Variants in CC2D2B observed in about 807,000 individuals in gnomAD.
CC2D2B encodes protein CC2D2B.
In CC2D2B, 128 loss-of-function variants were observed where a neutral mutation model predicts 161.2. The observed-to-expected ratio is 0.79, with a 90% CI of 0.69 to 0.92. CC2D2B has a LOEUF of 0.92. Ranked by LOEUF, CC2D2B falls within the 40% of genes least tolerant of loss-of-function variation. The probability of loss-of-function intolerance (pLI) is 0.00; values close to 1 mark genes in which losing one functional copy is unlikely to be tolerated. For missense variants in CC2D2B, 1,173 were observed against 1,375.1 expected (o/e 0.85, Z 2.32); for synonymous variants, 391 against 449.8 (o/e 0.87, Z 1.65).
intron 33 of CC2D2B, among the ~76,000 whole-genome samples, chr10:96,025,971 C>A (rs1186893169): frequency 6.6e-6 from 1 of 152,162 alleles, no homozygotes; most frequent in Non-Finnish European, 1.5e-5. Context: ...GGAAGAAATG[C>A]AATAGGGAAA....
intron 9 of CC2D2B, among the ~76,000 whole-genome samples, chr10:95,945,105 G>A (rs1229187589): frequency 3.3e-5 from 5 of 152,220 alleles, no homozygotes. Context: ...CTAGACATGA[G>A]ATGTGGTGTC....
chr10:96,029,817 GT>G (rs5787169), intron 34 of CC2D2B, among the ~76,000 whole-genome samples: 91,709 of 144,694 alleles, frequency 0.63, 28,746 homozygotes, highest in East Asian at 0.81. Flanking sequence ...TTGTTGTTTT[GT>G]TTTTTTTTTT....
intron 17 of CC2D2B, among the ~76,000 whole-genome samples, chr10:95,977,543 C>G (rs1422658916): frequency 6.6e-6 from 1 of 152,128 alleles, no homozygotes; most frequent in African/African-American, 2.4e-5. Flanking sequence ...TTATGTTTAC[C>G]TTATTTCTTA....
Position 96,032,551 on chromosome 10 carries a change from A to G in CC2D2B, c.*543A>G, listed in dbSNP as rs1242160125. The G allele has an allele frequency of 3.3e-5, 10 of 302,944 alleles. No individual in the cohort carries two copies. The highest frequency in any genetic ancestry group is 1.9e-4 in the South Asian group (6 of 31,970). 18.8% of individuals were successfully genotyped at this position (302,944 alleles called of 1,614,324 possible). A position where few individuals can be genotyped will look rare whatever the true frequency, so the allele number is the denominator to read the frequency against. ...TTGTCACTACTAAACTAAGGCTGGT[A>G]CGTTTGATGCTGGGTCTGATACAAT... On this transcript the variant is annotated 3_prime_UTR_variant, in exon 35 of 35. Coordinates refer to ENST00000646931, the MANE Select transcript of CC2D2B (RefSeq NM_001349008.3).
chr10:96,004,967 T>C (rs1186768846), intron 25 of CC2D2B, among the ~76,000 whole-genome samples: 1 of 152,220 alleles, frequency 6.6e-6, no homozygotes, highest in Non-Finnish European at 1.5e-5. Flanking sequence ...ACGAGCCTTC[T>C]GTAAAAACCA....
chr10:95,973,860 T>G (rs1327664606), intron 16 of CC2D2B, 149 bp from the exon 17 acceptor site: 1 of 278,178 alleles, frequency 3.6e-6, no homozygotes, highest in Non-Finnish European at 5.7e-6. Context: ...AAACTCTGTC[T>G]CAAAAAAAAA....
intron 26 of CC2D2B, among the ~76,000 whole-genome samples, chr10:96,011,470 A>T (rs1159177759): frequency 6.6e-6 from 1 of 152,066 alleles, no homozygotes; most frequent in Non-Finnish European, 1.5e-5. Flanking sequence ...GGCAGTGTTT[A>T]CTCCATTGAA....
intron 9 of CC2D2B, among the ~76,000 whole-genome samples, chr10:95,943,360 G>A (rs570367208): frequency 6.6e-6 from 1 of 152,158 alleles, no homozygotes; most frequent in South Asian, 2.1e-4. Flanking sequence ...TGTCTTCACT[G>A]ACTTGTGTTT....
intron 11 of CC2D2B, among the ~76,000 whole-genome samples, chr10:95,957,726 AATTTTTGT>A (rs912079689): frequency 6.6e-6 from 1 of 151,402 alleles, no homozygotes; most frequent in Admixed American, 6.6e-5. Context: ...ACGCCTGGCT[AATTTTTGT>A]ATTTTTAGTA....
chr10:95,985,409 A>G (rs2077678717), intron 19 of CC2D2B, among the ~76,000 whole-genome samples: 1 of 152,218 alleles, frequency 6.6e-6, no homozygotes, highest in African/African-American at 2.4e-5. Flanking sequence ...CCAAACTAAT[A>G]CTTTTATAAT....
At chr10:96,022,494 G>C (rs961489893) in intron 32 of CC2D2B, 11 of 152,212 alleles carry the variant, frequency 7.2e-5, no homozygotes, top group African/African-American at 2.7e-4. Context: ...AAAGGGAAAA[G>C]TGCTTCTCTC....
chr10:95,918,164 G>A (rs999746136), intron 2 of CC2D2B, among the ~76,000 whole-genome samples: 7 of 152,114 alleles, frequency 4.6e-5, no homozygotes, highest in Non-Finnish European at 1.0e-4. Context: ...CACAATTATG[G>A]TGTTATAATA....
rs368168752 is a variant in CC2D2B at position 95,947,078 on chromosome 10, C to CAAAAA, written c.802-2817_802-2813dup. 5.9e-4 allele frequency among the ~76,000 whole-genome samples: 31 copies of CAAAAA among 52,106 alleles called. 2 individuals carry two copies. The highest frequency in any genetic ancestry group is 1.5e-3 in the African/African-American group (22 of 14,326). The allele number at this position is 52,106 out of a possible 152,430, so 34.2% of individuals were successfully genotyped here. A position where few individuals can be genotyped will look rare whatever the true frequency, so the allele number is the denominator to read the frequency against. ...GTGCATAAATTCCAAATAGTGGACT[C>CAAAAA]AAAAATATATATATATATATATATA... On this transcript the variant is annotated intron_variant, in intron 9 of 34. Coordinates refer to ENST00000646931, the MANE Select transcript of CC2D2B (RefSeq NM_001349008.3).
At chr10:95,942,820 T>G (rs1160054137) in intron 9 of CC2D2B, among the ~76,000 whole-genome samples, 1 of 152,168 alleles carries the variant, frequency 6.6e-6, no homozygotes, top group East Asian at 1.9e-4. Context: ...TATAGAAACT[T>G]TGATGGATTT....
chr10:95,937,893 G>A (rs561152050), intron 6 of CC2D2B, 98 bp from the exon 7 acceptor site: 21 of 704,256 alleles, frequency 3.0e-5, no homozygotes, highest in South Asian at 9.7e-5. Flanking sequence ...AGGATCAGAC[G>A]CACAGTTCAC....
In CC2D2B at chr10:95,999,712, C is replaced by A. The variant is rs1452795068; in HGVS notation, c.2849+3460C>A. 6 of 198,792 alleles carry A rather than the reference C, an allele frequency of 3.0e-5. No homozygotes were observed. The East Asian group carries it at 6.1e-4, about 20-fold the overall frequency. The allele number at this position is 198,792 out of a possible 1,614,324, so 12.3% of individuals were successfully genotyped here. ...AGAGAGAGGACACCACACTTCTTCT[C>A]AATGAAGAGAAACATTTTTACAGTC... is the stretch of plus-strand genomic sequence containing the variant. On this transcript the variant is annotated intron_variant, in intron 24 of 34. Transcript: ENST00000646931.
chr10:95,985,628 G>A (rs1157086341), intron 19 of CC2D2B, among the ~76,000 whole-genome samples: 1 of 152,144 alleles, frequency 6.6e-6, no homozygotes, highest in African/African-American at 2.4e-5. Context: ...TAAACAATAT[G>A]AAATCTGGGC....
rs574289382 is a variant in CC2D2B, at chr10:95,914,672, C to A, written c.36+3313C>A. ...GCTTGCACTCACTCTGTCCTGCTGC[C>A]CTGTAAAGAAGGTGCCTGCTTCTCC... On this transcript the variant is annotated intron_variant, in intron 2 of 34. Transcript: ENST00000646931. Among the ~76,000 whole-genome samples, 142 of 152,278 alleles carry A rather than the reference C, an allele frequency of 9.3e-4. 2 individuals are homozygous for A. The highest frequency in any genetic ancestry group is 2.9e-4 in the Non-Finnish European group (20 of 68,026).
rs1346854330 is a variant in CC2D2B at position 95,955,471 on chromosome 10, A to G, written c.1089A>G (p.Gln363=). 1 of 398,284 alleles carries G rather than the reference A, an allele frequency of 2.5e-6. No individual in the cohort carries two copies. The highest frequency in any genetic ancestry group is 2.1e-5 in the African/African-American group (1 of 48,598). 24.7% of individuals were successfully genotyped at this position (398,284 alleles called of 1,614,324 possible). The change falls in exon 11 of 35, where the codon CAA becomes CAG. Residue 363 remains glutamine, a synonymous_variant. Coordinates refer to ENST00000646931, the MANE Select transcript of CC2D2B (RefSeq NM_001349008.3). ...ACCAGCTGACCAGAAAATCTTTACA[A>G]GATTATTATTGGCAAATAAGGTAGG... ...EINQLTRKSL[Q]DYYWQISNTK...
Sources: gnomAD v4.1 joint callset for allele counts (sites outside exome capture counted in the v4.1 genomes callset) on GRCh38, gnomAD v4.1.1 for gene constraint, MANE v1.5 for transcripts, NCBI Gene and HGNC (gene_info 2026-07-23, HGNC 2026-07-21) for gene names.